Variants in ABCA13 observed in about 807,000 individuals in gnomAD.
The protein encoded by ABCA13 is ATP-binding cassette sub-family A member 13.
In ABCA13, 476 loss-of-function variants were observed where a neutral mutation model predicts 478.7. The ratio of observed to expected loss-of-function variants is 0.99; its 90% CI spans 0.92 to 1.07. The LOEUF is 1.07. Among genes scored for constraint, ABCA13 ranks in the 50% least tolerant of loss-of-function variants. ABCA13 has a pLI of 0.00. For synonymous variants in ABCA13, 2,252 were observed against 2,158.9 expected, an observed-to-expected ratio of 1.04 and a Z score of -1.20; for missense variants, 6,060 against 5,910.6, an observed-to-expected ratio of 1.03 and a Z score of -0.83.
rs1398697071 is a variant in ABCA13 at position 48,646,394 on chromosome 7, T to C, written c.*882T>C. On this transcript the variant is annotated 3_prime_UTR_variant, in exon 62 of 62. Coordinates refer to ENST00000435803, the MANE Select transcript of ABCA13 (RefSeq NM_152701.5). ...ACATTCTCAGGATCCACTCCAGACC[T>C]ATTGAATCTCAAATTCTGGGGCTTA... is the stretch of plus-strand genomic sequence containing the variant. 1 of 152,238 alleles carries C rather than the reference T, an allele frequency of 6.6e-6. No homozygotes were observed. The highest frequency in any genetic ancestry group is 1.5e-5 in the Non-Finnish European group (1 of 68,050). The allele number at this position is 152,238 out of a possible 1,614,324, so 9.4% of individuals were successfully genotyped here.
chr7:48,449,168 A>C (rs982770773), intron 42 of ABCA13, among the ~76,000 whole-genome samples: 38 of 152,250 alleles, frequency 2.5e-4, no homozygotes, highest in African/African-American at 8.9e-4. Context: ...TGCCATGTTT[A>C]ATAAATAATT....
rs1584134848 is a variant in ABCA13 at position 48,200,550 on chromosome 7, T to A, written c.287+2190T>A. Among the ~76,000 whole-genome samples the A allele has an allele frequency of 2.6e-5, 4 of 152,342 alleles. No individual in the cohort carries two copies. In the South Asian group the frequency reaches 8.3e-4, roughly 32 times the overall value. ...AGTCAGGTTAATAGCTCACCAGCAT[T>A]GCAAAGCCTTTAACTTTGAGAACGA... On this transcript the variant is annotated intron_variant, in intron 3 of 61. Transcript: ENST00000435803.
At chr7:48,215,324 A>C (rs1786281728) in intron 3 of ABCA13, among the ~76,000 whole-genome samples, 1 of 152,158 alleles carries the variant, frequency 6.6e-6, no homozygotes, top group Non-Finnish European at 1.5e-5. Context: ...CAGAATACAC[A>C]CAATATTTAT....
intron 42 of ABCA13, among the ~76,000 whole-genome samples, chr7:48,452,576 A>G (rs1563280841): frequency 6.6e-6 from 1 of 152,220 alleles, no homozygotes; most frequent in East Asian, 1.9e-4. Flanking sequence ...CTGCCAACTA[A>G]GCAGGTATTT....
In ABCA13 at chr7:48,645,405, G is replaced by C. The variant is rs1457196910; in HGVS notation, c.15082-12G>C. On this transcript the variant is annotated splice_polypyrimidine_tract_variant and intron_variant, in intron 61 of 61. Transcript: ENST00000435803. ...TCTTATAAGTAAACAACATTTTTAT[G>C]GTTTTTTTCAGGTATTTATTAATTT... The C allele has an allele frequency of 3.2e-6, 5 of 1,546,884 alleles. No homozygotes were observed. In the East Asian group the frequency reaches 1.2e-4, roughly 37 times the overall value.
At chr7:48,187,884 A>G (rs1796577358) in intron 1 of ABCA13, among the ~76,000 whole-genome samples, 1 of 151,888 alleles carries the variant, frequency 6.6e-6, no homozygotes, top group Non-Finnish European at 1.5e-5. Context: ...ATGCTTTATG[A>G]CTTCCTTTTG....
At chr7:48,417,400 G>A (rs1470240720) in intron 41 of ABCA13, among the ~76,000 whole-genome samples, 1 of 152,276 alleles carries the variant, frequency 6.6e-6, no homozygotes, top group East Asian at 1.9e-4. Context: ...TGGTTGCCAT[G>A]GGAAGGGCCT....
chr7:48,423,718 A>T (rs903509026), intron 41 of ABCA13, among the ~76,000 whole-genome samples: 2 of 152,230 alleles, frequency 1.3e-5, no homozygotes, highest in South Asian at 4.1e-4. Context: ...CACCATAGGC[A>T]TTGCTTTTAA....
chr7:48,311,158 G>C (rs531082408), intron 24 of ABCA13, among the ~76,000 whole-genome samples: 61 of 152,168 alleles, frequency 4.0e-4, no homozygotes, highest in African/African-American at 1.5e-3. Flanking sequence ...TGGGTGAACA[G>C]TTTTATAGTC....
chr7:48,366,995 T>G (rs1811779290), intron 31 of ABCA13, among the ~76,000 whole-genome samples: 1 of 152,164 alleles, frequency 6.6e-6, no homozygotes, highest in South Asian at 2.1e-4. Context: ...TAACACGGCT[T>G]GTACCTTCAG....
intron 55 of ABCA13, among the ~76,000 whole-genome samples, chr7:48,574,929 T>C (rs994647007): frequency 6.6e-6 from 1 of 152,210 alleles, no homozygotes; most frequent in African/African-American, 2.4e-5. Context: ...TTAGCATCAA[T>C]TTTGATAATA....
chr7:48,493,249 A>G (rs755101632), intron 48 of ABCA13, among the ~76,000 whole-genome samples: 1 of 152,200 alleles, frequency 6.6e-6, no homozygotes, highest in Non-Finnish European at 1.5e-5. Context: ...CTTTTGCACT[A>G]TATTTTAGGG....
At chr7:48,487,329 CAAAACAAAA>C (rs1829418245) in intron 47 of ABCA13, among the ~76,000 whole-genome samples, 1 of 102,810 alleles carries the variant, frequency 9.7e-6, no homozygotes, top group Non-Finnish European at 1.8e-5. Context: ...CAAAACAAAA[CAAAACAAAA>C]AAAACAAACA....
At chr7:48,422,079 A>AAG (rs1820835930) in intron 41 of ABCA13, among the ~76,000 whole-genome samples, 3 of 140,546 alleles carry the variant, frequency 2.1e-5, no homozygotes, top group African/African-American at 8.2e-5. Flanking sequence ...AAAAAAAAAA[A>AAG]AAAAAGAAAA....
chr7:48,182,033 C>T (rs934863174), intron 1 of ABCA13, among the ~76,000 whole-genome samples: 6 of 152,060 alleles, frequency 3.9e-5, no homozygotes, highest in African/African-American at 1.4e-4. Flanking sequence ...GTCCTGTATA[C>T]CCACCTCCCC....
intron 56 of ABCA13, 110 bp from the exon 57 acceptor site, chr7:48,587,044 A>G: frequency 7.1e-7 from 1 of 1,410,076 alleles, no homozygotes; most frequent in Non-Finnish European, 9.8e-7. Flanking sequence ...TGTATGTGTG[A>G]AGGTCGGCAG....
At chr7:48,266,824 T>C (rs1219449802) in intron 15 of ABCA13, among the ~76,000 whole-genome samples, 5 of 151,972 alleles carry the variant, frequency 3.3e-5, no homozygotes, top group African/African-American at 1.2e-4. Context: ...TTTAATGGTA[T>C]ACATTTTCCC....
At chr7:48,422,740 G>A (rs1407180514) in intron 41 of ABCA13, among the ~76,000 whole-genome samples, 2 of 152,230 alleles carry the variant, frequency 1.3e-5, no homozygotes, top group Middle Eastern at 3.2e-3. Flanking sequence ...AAGCCTGTAA[G>A]TGTTACCCAT....
At chr7:48,349,298 T>A (rs765113170) in intron 29 of ABCA13, among the ~76,000 whole-genome samples, 9 of 152,168 alleles carry the variant, frequency 5.9e-5, no homozygotes, top group Non-Finnish European at 1.2e-4. Flanking sequence ...ACATAATGAA[T>A]AACAGTCTTT....
Sources: allele counts gnomAD v4.1 joint callset (sites outside exome capture counted in the v4.1 genomes callset), GRCh38; gene constraint gnomAD v4.1.1; transcripts MANE v1.5; gene names NCBI Gene and HGNC (gene_info 2026-07-23, HGNC 2026-07-21).